The following COBL variants were observed in gnomAD, a reference collection of about 807,000 sequenced individuals.
COBL encodes protein cordon-bleu.
COBL carries 51 observed loss-of-function variants against 98.8 expected under a neutral mutation model. The ratio of observed to expected loss-of-function variants is 0.52; its 90% CI spans 0.41 to 0.65. The LOEUF is 0.65. Ranked by LOEUF, COBL falls within the 30% of genes least tolerant of loss-of-function variation. The probability of loss-of-function intolerance (pLI) is 0.00; values close to 1 mark genes in which losing one functional copy is unlikely to be tolerated. For missense variants in COBL, 1,617 were observed against 1,617.5 expected (o/e 1.00, Z 0.01); for synonymous variants, 634 against 651.7 (o/e 0.97, Z 0.41).
At chr7:51,243,771 A>C (rs894100984) in intron 1 of COBL, among the ~76,000 whole-genome samples, 6 of 152,028 alleles carry the variant, frequency 3.9e-5, no homozygotes, top group Non-Finnish European at 7.4e-5. Context: ...GCTGTGCCTG[A>C]AAGGGGGTAG....
At chr7:51,308,969 G>A (rs927209888) in intron 1 of COBL, among the ~76,000 whole-genome samples, 3 of 152,138 alleles carry the variant, frequency 2.0e-5, no homozygotes, top group Non-Finnish European at 2.9e-5. Flanking sequence ...TCTATATAAC[G>A]TGGGTGTGTG....
At chr7:51,047,937 T>G (rs1425814882) in intron 7 of COBL, among the ~76,000 whole-genome samples, 1 of 152,128 alleles carries the variant, frequency 6.6e-6, no homozygotes, top group Non-Finnish European at 1.5e-5. Context: ...GAGGCTGACG[T>G]GGGCGGATCA....
chr7:51,141,939 G>A (rs1401579245), intron 5 of COBL, among the ~76,000 whole-genome samples: 1 of 152,158 alleles, frequency 6.6e-6, no homozygotes, highest in Non-Finnish European at 1.5e-5. Flanking sequence ...CTCTGTCTTT[G>A]TCTTTGCATT....
At chr7:51,269,814 C>A (rs1045577663) in intron 1 of COBL, among the ~76,000 whole-genome samples, 1 of 152,188 alleles carries the variant, frequency 6.6e-6, no homozygotes, top group Admixed American at 6.5e-5. Context: ...CAATGCTCCC[C>A]ATCCAAGAAA....
intron 7 of COBL, among the ~76,000 whole-genome samples, chr7:51,061,382 A>G (rs1791340948): frequency 6.6e-6 from 1 of 152,118 alleles, no homozygotes. Context: ...ACAGGATATC[A>G]GGAGAGAGTA....
chr7:51,043,247 G>C, intron 8 of COBL, 136 bp downstream of exon 8: 1 of 687,640 alleles, frequency 1.5e-6, no homozygotes, highest in African/African-American at 1.8e-5. Context: ...GAGAGCAGCT[G>C]CTGTGAATCA....
intron 1 of COBL, among the ~76,000 whole-genome samples, chr7:51,278,026 T>C (rs1018858341): frequency 2.0e-5 from 3 of 152,128 alleles, no homozygotes; most frequent in African/African-American, 7.2e-5. Flanking sequence ...ACACAACAAA[T>C]CAACAGCGGG....
At chr7:51,218,400 C>G (rs1044189683) in intron 2 of COBL, among the ~76,000 whole-genome samples, 2 of 152,182 alleles carry the variant, frequency 1.3e-5, no homozygotes, top group East Asian at 3.8e-4. Context: ...TAAAAACACC[C>G]AGAGTGATTT....
intron 8 of COBL, chr7:51,031,151 T>C (rs1788105198): frequency 9.9e-6 from 5 of 502,690 alleles, no homozygotes; most frequent in Non-Finnish European, 1.8e-5. Flanking sequence ...GTGGAGTATA[T>C]GTCTTGTATG....
chr7:51,036,206 G>A (rs1437081007), intron 8 of COBL, among the ~76,000 whole-genome samples: 5 of 151,908 alleles, frequency 3.3e-5, no homozygotes, highest in South Asian at 2.1e-4. Flanking sequence ...GCATGGTGGC[G>A]TGTGCCTGTA....
At chr7:51,092,450 T>C (rs1794902161) in intron 6 of COBL, among the ~76,000 whole-genome samples, 1 of 152,226 alleles carries the variant, frequency 6.6e-6, no homozygotes, top group Non-Finnish European at 1.5e-5. Flanking sequence ...TTTAAGTAGA[T>C]TTTTGTATAT....
rs1385502627 is a variant in COBL at position 51,166,173 on chromosome 7, C to A, written c.783+17929G>T. On this transcript the variant is annotated intron_variant, in intron 5 of 12. Coordinates refer to ENST00000265136, the MANE Select transcript of COBL (RefSeq NM_015198.5). ...AATACAAAAGATCAATGAAACAAAA[C>A]GTTGATTTTTTAAAAGTTAAACAAA... Among the ~76,000 whole-genome samples, 4 of 151,522 alleles carry A rather than the reference C, an allele frequency of 2.6e-5. No homozygotes were observed. The East Asian group carries it at 7.7e-4, about 29-fold the overall frequency.
At chr7:51,160,143 C>T (rs1448024889) in intron 5 of COBL, among the ~76,000 whole-genome samples, 2 of 152,166 alleles carry the variant, frequency 1.3e-5, no homozygotes, top group South Asian at 2.1e-4. Flanking sequence ...CCACCCACCT[C>T]GGCCTCCCAA....
chr7:51,161,974 T>C (rs1334670527), intron 5 of COBL, among the ~76,000 whole-genome samples: 1 of 152,210 alleles, frequency 6.6e-6, no homozygotes, highest in Non-Finnish European at 1.5e-5. Context: ...TTTTGTGTGC[T>C]GAATTGCAAA....
chr7:51,125,102 G>A (rs1040353527), intron 6 of COBL, among the ~76,000 whole-genome samples: 6 of 152,200 alleles, frequency 3.9e-5, no homozygotes, highest in Admixed American at 3.3e-4. Flanking sequence ...CGTGAGCCAC[G>A]GTGCCTGGCC....
chr7:51,286,501 T>C (rs1429530642), intron 1 of COBL, among the ~76,000 whole-genome samples: 2 of 150,970 alleles, frequency 1.3e-5, no homozygotes, highest in African/African-American at 4.9e-5. Flanking sequence ...AAGAAACATA[T>C]GAAAAAACTG....
intron 5 of COBL, among the ~76,000 whole-genome samples, chr7:51,182,865 T>C (rs1789121888): frequency 2.0e-5 from 3 of 152,150 alleles, no homozygotes; most frequent in Admixed American, 2.0e-4. Context: ...CAGAGGTGAA[T>C]CTGAGGTTTG....
intron 6 of COBL, among the ~76,000 whole-genome samples, chr7:51,106,645 T>C (rs896040621): frequency 1.3e-5 from 2 of 152,156 alleles, no homozygotes; most frequent in Middle Eastern, 3.2e-3. Flanking sequence ...CTAAGCAAGG[T>C]TGAAAAGACT....
intron 1 of COBL, among the ~76,000 whole-genome samples, chr7:51,298,976 A>G (rs1385901620): frequency 1.3e-5 from 2 of 152,294 alleles, no homozygotes; most frequent in Admixed American, 6.5e-5. Context: ...TCCCCAGCAC[A>G]ATCAATCTTC....
Sources: allele counts gnomAD v4.1 joint callset (sites outside exome capture counted in the v4.1 genomes callset), GRCh38; gene constraint gnomAD v4.1.1; transcripts MANE v1.5; gene names NCBI Gene and HGNC (gene_info 2026-07-23, HGNC 2026-07-21).